Variants in ADK observed in about 807,000 individuals in gnomAD.
ADK encodes adenosine kinase, also known as N6,N6-dimethyladenosine kinase.
Under a neutral mutation model 44.7 loss-of-function variants are expected in ADK, and 24 were observed. The ratio of observed to expected loss-of-function variants is 0.54; its 90% CI spans 0.39 to 0.76. The LOEUF (loss-of-function observed/expected upper bound fraction) is 0.76, where lower values mean the gene tolerates loss of function less well. Among genes scored for constraint, ADK ranks in the 30% least tolerant of loss-of-function variants. The probability of loss-of-function intolerance (pLI) is 0.00; values close to 1 mark genes in which losing one functional copy is unlikely to be tolerated. For missense variants in ADK, 321 were observed against 425.1 expected, an observed-to-expected ratio of 0.76 and a Z score of 2.15; for synonymous variants, 128 against 142.6, an observed-to-expected ratio of 0.90 and a Z score of 0.73.
At chr10:74,519,660 C>G (rs1848728928) in intron 6 of ADK, among the ~76,000 whole-genome samples, 1 of 151,838 alleles carries the variant, frequency 6.6e-6, no homozygotes, top group South Asian at 2.1e-4. Flanking sequence ...ATCATTGTTA[C>G]CATATTGTTT....
intron 9 of ADK, among the ~76,000 whole-genome samples, chr10:74,639,697 G>A (rs1310503862): frequency 4.6e-5 from 7 of 152,056 alleles, no homozygotes; most frequent in South Asian, 2.1e-4. Context: ...TTAGCCGGGC[G>A]TGGTGGCATG....
chr10:74,480,326 T>C (rs947773965), intron 6 of ADK, among the ~76,000 whole-genome samples: 1 of 151,852 alleles, frequency 6.6e-6, no homozygotes, highest in Non-Finnish European at 1.5e-5. Context: ...TCTCCTCAGC[T>C]CAAACAATCA....
intron 6 of ADK, among the ~76,000 whole-genome samples, chr10:74,517,250 A>G (rs912102044): frequency 6.6e-6 from 1 of 152,160 alleles, no homozygotes; most frequent in African/African-American, 2.4e-5. Context: ...ATATGCTCCT[A>G]TGTATTCCCT....
chr10:74,514,182 T>C (rs1256926169), intron 6 of ADK, among the ~76,000 whole-genome samples: 3 of 150,018 alleles, frequency 2.0e-5, no homozygotes, highest in African/African-American at 7.3e-5. Flanking sequence ...ACTGTTAGTC[T>C]AATGGGGATT....
Position 74,527,975 on chromosome 10 carries a change from A to G in ADK, c.726+2549A>G, listed in dbSNP as rs1849123252. On this transcript the variant is annotated intron_variant, in intron 7 of 10. Transcript: ENST00000539909. The stretch of plus-strand genomic sequence containing the variant: ...ATGAGAAGGGCTGGTTATAAGAAAA[A>G]ATTATGGAAAAAGGCACCTGCAAGA... 3.3e-5 allele frequency: 26 copies of G among 794,870 alleles called. No individual in the cohort carries two copies. In the South Asian group the frequency reaches 3.6e-4, roughly 11 times the overall value. The allele number at this position is 794,870 out of a possible 1,614,324, so 49.2% of individuals were successfully genotyped here. A position where few individuals can be genotyped will look rare whatever the true frequency, so the allele number is the denominator to read the frequency against.
At chr10:74,369,650 A>C (rs371530820) in intron 4 of ADK, among the ~76,000 whole-genome samples, 3 of 152,178 alleles carry the variant, frequency 2.0e-5, no homozygotes, top group East Asian at 3.8e-4. Context: ...TCAACCTGAT[A>C]ATTAGCATCT....
chr10:74,444,693 C>A (rs1351735872), intron 6 of ADK, among the ~76,000 whole-genome samples: 1 of 151,884 alleles, frequency 6.6e-6, no homozygotes, highest in Admixed American at 6.6e-5. Context: ...TTAATAAAGC[C>A]ATTTCTTTTT....
At chr10:74,321,768 C>T (rs1240824355) in intron 4 of ADK, among the ~76,000 whole-genome samples, 2 of 151,928 alleles carry the variant, frequency 1.3e-5, no homozygotes, top group Non-Finnish European at 1.5e-5. Flanking sequence ...GTATACATCT[C>T]GGGGCATGCT....
chr10:74,360,899 C>A (rs1484709806), intron 4 of ADK, among the ~76,000 whole-genome samples: 2 of 152,104 alleles, frequency 1.3e-5, no homozygotes, highest in African/African-American at 2.4e-5. Context: ...CATTCACCCA[C>A]CCTGTGTCTT....
At chr10:74,210,105 G>A (rs575764244) in intron 2 of ADK, among the ~76,000 whole-genome samples, 12 of 152,176 alleles carry the variant, frequency 7.9e-5, no homozygotes, top group East Asian at 1.9e-4. Flanking sequence ...CGAGGTGAAC[G>A]GATCACCTGA....
At chr10:74,474,546 T>TCCTTTCTCC (rs1456965259) in intron 6 of ADK, among the ~76,000 whole-genome samples, 4 of 150,818 alleles carry the variant, frequency 2.7e-5, no homozygotes, top group Non-Finnish European at 5.9e-5. Context: ...TTCCTTTCTC[T>TCCTTTCTCC]CCTTTCTCCC....
At chr10:74,542,508 G>C (rs1849674153) in intron 7 of ADK, among the ~76,000 whole-genome samples, 1 of 151,930 alleles carries the variant, frequency 6.6e-6, no homozygotes, top group African/African-American at 2.4e-5. Flanking sequence ...TCCCCTTCAA[G>C]TATTTTAATT....
chr10:74,386,691 C>T (rs1386344978), intron 4 of ADK, among the ~76,000 whole-genome samples: 3 of 152,166 alleles, frequency 2.0e-5, no homozygotes, highest in Admixed American at 2.0e-4. Context: ...CTGATCTGGC[C>T]TACATCTACC....
chr10:74,356,031 A>G (rs1842136398), intron 4 of ADK, among the ~76,000 whole-genome samples: 1 of 12,554 alleles, frequency 8.0e-5, no homozygotes, highest in Non-Finnish European at 2.5e-4. Context: ...TTTTTTTTTG[A>G]GACGGAGTCT....
At chr10:74,396,820 A>G (rs969652743) in intron 5 of ADK, among the ~76,000 whole-genome samples, 3 of 151,974 alleles carry the variant, frequency 2.0e-5, no homozygotes, top group Non-Finnish European at 2.9e-5. Flanking sequence ...GCCGAGCATC[A>G]TGGCGGGCAC....
chr10:74,308,981 T>G (rs1840348599), intron 3 of ADK, among the ~76,000 whole-genome samples: 1 of 152,186 alleles, frequency 6.6e-6, no homozygotes, highest in Non-Finnish European at 1.5e-5. Context: ...GTGTTGGTTT[T>G]GTGGACATTT....
chr10:74,399,896 T>C (rs1843651728), intron 6 of ADK, among the ~76,000 whole-genome samples: 1 of 152,116 alleles, frequency 6.6e-6, no homozygotes, highest in Non-Finnish European at 1.5e-5. Flanking sequence ...TATATAGTTG[T>C]TCAATCCTGA....
chr10:74,175,135 G>A (rs1475598076), intron 1 of ADK, among the ~76,000 whole-genome samples: 10 of 152,106 alleles, frequency 6.6e-5, no homozygotes, highest in Admixed American at 2.6e-4. Flanking sequence ...GTTGGCTCAC[G>A]CCTGGAAGGC....
chr10:74,618,491 G>GT (rs1852860165), intron 9 of ADK, among the ~76,000 whole-genome samples: 1 of 151,996 alleles, frequency 6.6e-6, no homozygotes, highest in South Asian at 2.1e-4. Flanking sequence ...GTTTTGCCAT[G>GT]TTGGCCAGGC....
Sources: gnomAD v4.1 joint callset for allele counts (sites outside exome capture counted in the v4.1 genomes callset) on GRCh38, gnomAD v4.1.1 for gene constraint, MANE v1.5 for transcripts, NCBI Gene and HGNC (gene_info 2026-07-23, HGNC 2026-07-21) for gene names.